Variants in HCN4 observed in about 807,000 individuals in gnomAD.
The protein encoded by HCN4 is potassium/sodium hyperpolarization-activated cyclic nucleotide-gated channel 4.
HCN4 carries 29 observed loss-of-function variants against 76.9 expected under a neutral mutation model. That is an observed-to-expected ratio of 0.38 (90% CI 0.28 to 0.51). HCN4 has a LOEUF of 0.51. HCN4 is among the 20% of genes least tolerant of loss of function. The probability of loss-of-function intolerance (pLI) is 0.90; values close to 1 mark genes in which losing one functional copy is unlikely to be tolerated. For synonymous variants in HCN4, 772 were observed against 762.5 expected, an observed-to-expected ratio of 1.01 and a Z score of -0.21; for missense variants, 1,416 against 1,715.2, an observed-to-expected ratio of 0.83 and a Z score of 3.08.
At position 73,322,794 on chromosome 15, in the gene HCN4, G is replaced by A; in HGVS notation, c.3299C>T (p.Thr1100Ile). Residue 1100 changes from threonine (T) to isoleucine (I), a missense_variant, in exon 8 of 8, where the codon ACT becomes ATT. Physicochemically the swap from Thr to Ile is moderately conservative, Grantham distance 89. This residue lies in a region of HCN4 where 633 missense variants were observed against 579.8 expected (regional missense o/e 1.09). Coordinates refer to ENST00000261917, the MANE Select transcript of HCN4 (RefSeq NM_005477.3). ...QPALPQDGAQ[T>I]LRRASPHSSG... ...GGAGTGCGGGGAGGCTCTGCGGAGA[G>A]TCTGCGCCCCGTCCTGAGGCAGGGC... The A allele has an allele frequency of 1.3e-6, 2 of 1,547,070 alleles. No homozygotes were observed. The highest frequency in any genetic ancestry group is 1.7e-6 in the Non-Finnish European group (2 of 1,145,756).
intron 1 of HCN4, among the ~76,000 whole-genome samples, chr15:73,352,096 CTG>C (rs780883872): frequency 2.0e-4 from 31 of 152,346 alleles, no homozygotes; most frequent in Admixed American, 8.5e-4. Context: ...TTATAAGAAA[CTG>C]TGTGTGTGAC....
In HCN4 at chr15:73,323,341, G is replaced by T; in HGVS notation, c.2752C>A (p.Leu918Met). The T allele has an allele frequency of 6.4e-7, 1 of 1,567,216 alleles. No homozygotes were observed. The highest frequency in any genetic ancestry group is 8.7e-7 in the Non-Finnish European group (1 of 1,155,858). Residue 918 changes from leucine (L) to methionine (M), a missense_variant, in exon 8 of 8, where the codon CTG (leucine) becomes ATG (methionine). By Grantham distance (15) the Leu-to-Met change is conservative. Transcript: ENST00000261917. ...GHFHKALGGS[L>M]SSSDSPLLTP... ...AGCAGGGGAGAGTCGGAGGAGGACA[G>T]GGAGCCACCCAGCGCCTTGTGGAAG...
rs2042874764 is a variant in HCN4 at position 73,323,242 on chromosome 15, C to G, written c.2851G>C (p.Gly951Arg). The change falls in exon 8 of 8, where the codon GGC (glycine) becomes CGC (arginine). Residue 951 changes from glycine to arginine, a missense_variant. Around this residue, in one of 6 missense-constraint regions of HCN4, gnomAD observed 633 missense variants for 579.8 expected, o/e 1.09. Coordinates refer to ENST00000261917, the MANE Select transcript of HCN4 (RefSeq NM_005477.3). ...AGGAAGTGCTCCGGGAGTCCCAGGC[C>G]TCCCCGGGCCCCGGGTGGCGCGGGA... ...PSPAPPGARG[G>R]LGLPEHFLPP... is the part of the protein sequence containing the mutation. 1 of 1,525,082 alleles carries G rather than the reference C, an allele frequency of 6.6e-7. No homozygotes were observed. The highest frequency in any genetic ancestry group is 1.4e-5 in the African/African-American group (1 of 73,146). The allele number at this position is 1,525,082 out of a possible 1,614,324, so 94.5% of individuals were successfully genotyped here. A position where few individuals can be genotyped will look rare whatever the true frequency, so the allele number is the denominator to read the frequency against.
At chr15:73,356,826 G>GA (rs892106421) in intron 1 of HCN4, among the ~76,000 whole-genome samples, 3 of 151,796 alleles carry the variant, frequency 2.0e-5, no homozygotes, top group South Asian at 2.1e-4. Flanking sequence ...AACCCACAAG[G>GA]AAAAAAAAGG....
In HCN4 at chr15:73,332,348, C is replaced by T. The variant is rs1458218187; in HGVS notation, c.1210-56G>A. On this transcript the variant is annotated intron_variant, in intron 2 of 7. Transcript: ENST00000261917. ...ATAGGTGAGTGGCCAGGAGGGCCAG[C>T]GGCCACTTTCCCTGCCCTGGAGCTG... The T allele has an allele frequency of 1.7e-5, 27 of 1,564,950 alleles. No individual in the cohort carries two copies. In the East Asian group the frequency reaches 2.5e-4, roughly 14 times the overall value.
In HCN4 at chr15:73,322,790, G is replaced by T; in HGVS notation, c.3303C>A (p.Leu1101=). Residue 1101 remains leucine, a synonymous_variant, in exon 8 of 8, where the codon CTC becomes CTA. Transcript: ENST00000261917. ...CTGAGGAGTGCGGGGAGGCTCTGCGGAGAGTCTGCGCCCCGTCCTGAGGCA... is the reference window on the plus strand; with the variant it reads ...CTGAGGAGTGCGGGGAGGCTCTGCGTAGAGTCTGCGCCCCGTCCTGAGGCA... ...PALPQDGAQT[L]RRASPHSSGE... 1 of 1,552,194 alleles carries T rather than the reference G, an allele frequency of 6.4e-7. No individual in the cohort carries two copies. Among genetic ancestry groups the T allele is most frequent in the Non-Finnish European group, 8.7e-7 (1 of 1,148,546 alleles).
In HCN4 at chr15:73,323,723, A is replaced by G. The variant is rs747648596; in HGVS notation, c.2370T>C (p.Ser790=). The change falls in exon 8 of 8, where the codon TCT becomes TCC. Residue 790 remains serine, a synonymous_variant. Transcript: ENST00000261917. ...APLQAAAATT[S]VAIALTHHPR... ...GGTGGTGGGTGAGGGCTATGGCCACAGAAGTGGTGGCAGCGGCAGCCTGCA... is the reference window on the plus strand; with the variant it reads ...GGTGGTGGGTGAGGGCTATGGCCACGGAAGTGGTGGCAGCGGCAGCCTGCA... 8.7e-6 allele frequency: 14 copies of G among 1,602,526 alleles called. No individual in the cohort carries two copies. Among genetic ancestry groups the G allele is most frequent in the Admixed American group, 1.7e-5 (1 of 59,662 alleles).
intron 3 of HCN4, 115 bp downstream of exon 3, chr15:73,332,016 C>G: frequency 1.0e-6 from 1 of 1,001,660 alleles, no homozygotes; most frequent in South Asian, 1.3e-5. Context: ...CAGCCCCAGG[C>G]AGCACTCAGG....
chr15:73,364,427 G>T (rs8024056), intron 1 of HCN4, among the ~76,000 whole-genome samples: 16,811 of 152,188 alleles, frequency 0.11, 1,146 homozygotes, highest in African/African-American at 0.18. Context: ...AACAAGATTA[G>T]CCAGTACCTA....
intron 2 of HCN4, among the ~76,000 whole-genome samples, chr15:73,339,815 C>T (rs1376065518): frequency 1.3e-5 from 2 of 152,146 alleles, no homozygotes; most frequent in South Asian, 2.1e-4. Flanking sequence ...CTGGAGTGGC[C>T]TGCTATGGTC....
intron 2 of HCN4, among the ~76,000 whole-genome samples, chr15:73,333,703 T>G (rs1490786763): frequency 6.6e-6 from 1 of 152,188 alleles, no homozygotes; most frequent in Non-Finnish European, 1.5e-5. Context: ...TAGCTTAAGC[T>G]TGCCCCATCA....
At chr15:73,364,897 AAC>A (rs1470482274) in intron 1 of HCN4, among the ~76,000 whole-genome samples, 5 of 152,242 alleles carry the variant, frequency 3.3e-5, no homozygotes, top group African/African-American at 1.2e-4. Flanking sequence ...GCCAGCCCTG[AAC>A]TCCAAACCGC....
Position 73,343,520 on chromosome 15 carries a change from A to T in HCN4, c.1074T>A (p.Ile358=), listed in dbSNP as rs1444977026. The T allele has an allele frequency of 6.2e-7, 1 of 1,614,172 alleles. No homozygotes were observed. Among genetic ancestry groups the T allele is most frequent in the Admixed American group, 1.7e-5 (1 of 60,022 alleles). ...CCTCCGAGTCGATGCGTGTCTCCAC[A>T]ATGAGGAAGATGTAGTCCACGGGGA... ...SSIPVDYIFL[I]VETRIDSEVY... is the part of the protein sequence containing the mutation. The change falls in exon 2 of 8, where the codon ATT becomes ATA. Residue 358 remains isoleucine (I), a synonymous_variant. Coordinates refer to ENST00000261917, the MANE Select transcript of HCN4 (RefSeq NM_005477.3). This position sits in a 1 kb window ranked among gnomAD's most constrained non-coding sequence, Gnocchi z 5.7.
At chr15:73,352,065 C>T (rs1459178340) in intron 1 of HCN4, among the ~76,000 whole-genome samples, 1 of 152,206 alleles carries the variant, frequency 6.6e-6, no homozygotes, top group Non-Finnish European at 1.5e-5. Flanking sequence ...CAGGCGCTGC[C>T]CTGGCATAGT....
In HCN4 at chr15:73,335,260, G is replaced by A. The variant is rs116933778; in HGVS notation, c.1210-2968C>T. The A allele has an allele frequency of 1.4e-3, 210 of 152,560 alleles. 6 individuals carry two copies. The East Asian group carries it at 0.036, about 26-fold the overall frequency. 9.5% of individuals were successfully genotyped at this position (152,560 alleles called of 1,614,324 possible). On this transcript the variant is annotated intron_variant, in intron 2 of 7. Transcript: ENST00000261917. ...AGCTGCGCAGGAGGCCAAGGGTACT[G>A]GAGGCACAGACGGGGGCCCGTGGGG...
At chr15:73,361,542 C>A (rs757306137) in intron 1 of HCN4, among the ~76,000 whole-genome samples, 1 of 152,176 alleles carries the variant, frequency 6.6e-6, no homozygotes, top group Non-Finnish European at 1.5e-5. Context: ...TTGTAAGAGC[C>A]CTTGAGCCAA....
chr15:73,324,418 T>C (rs1205800162), intron 6 of HCN4, among the ~76,000 whole-genome samples, 165 bp from the exon 7 acceptor site: 1 of 152,198 alleles, frequency 6.6e-6, no homozygotes, highest in East Asian at 1.9e-4. Context: ...CCCCACCAAA[T>C]GGGGGCTGGA....
intron 2 of HCN4, among the ~76,000 whole-genome samples, chr15:73,336,861 T>C (rs1465613222): frequency 6.6e-6 from 1 of 152,156 alleles, no homozygotes; most frequent in African/African-American, 2.4e-5. Flanking sequence ...TGTCACTCTC[T>C]TACCATAAAC....
rs1280841025 is a variant in HCN4 at position 73,328,165 on chromosome 15, T to A, written c.1590+1408A>T. ...GGGTGCCATGGGGTCACATGACAGG[T>A]GAGGGGCTGGCCAGGTCACAGACGG... On this transcript the variant is annotated intron_variant, in intron 4 of 7. Transcript: ENST00000261917. This position sits in a 1 kb window ranked among gnomAD's most constrained non-coding sequence, Gnocchi z 4.0. Among the ~76,000 whole-genome samples, 2 of 151,466 alleles carry A rather than the reference T, an allele frequency of 1.3e-5. No individual in the cohort carries two copies. Among genetic ancestry groups the A allele is most frequent in the Non-Finnish European group, 2.9e-5 (2 of 67,910 alleles).
Sources: gnomAD v4.1 joint callset for allele counts (sites outside exome capture counted in the v4.1 genomes callset) on GRCh38, gnomAD v4.1.1 for gene constraint, gnomAD v4.1.1 regional missense constraint, Gnocchi (gnomAD v3.1) non-coding constraint, MANE v1.5 for transcripts, NCBI Gene and HGNC (gene_info 2026-07-23, HGNC 2026-07-21) for gene names.